The following CUX2 variants were observed in gnomAD, a reference collection of about 807,000 sequenced individuals.
The protein encoded by CUX2 is cut like homeobox 2.
Under a neutral mutation model 144.8 loss-of-function variants are expected in CUX2, and 40 were observed. The observed-to-expected ratio is 0.28, with a 90% CI of 0.21 to 0.36. The LOEUF (loss-of-function observed/expected upper bound fraction) is 0.36, where lower values mean the gene tolerates loss of function less well. Ranked by LOEUF, CUX2 falls within the 10% of genes least tolerant of loss-of-function variation. The probability of loss-of-function intolerance (pLI) is 1.00; values close to 1 mark genes in which losing one functional copy is unlikely to be tolerated. For synonymous variants in CUX2, 827 were observed against 875.6 expected, an observed-to-expected ratio of 0.94 and a Z score of 0.98; for missense variants, 1,615 against 1,994.0, an observed-to-expected ratio of 0.81 and a Z score of 3.62.
chr12:111,293,407 T>C lies in CUX2; in HGVS notation c.437-39T>C. ...AGCGGCTCTGGCTGCCACGTTGCTC[T>C]CTTGGCAATGGGGGTTTTCCCTCTT... On this transcript the variant is annotated intron_variant, in intron 5 of 21. Transcript: ENST00000261726. The surrounding 1 kb of genome is among the most constrained non-coding windows in gnomAD (Gnocchi z 4.5). The C allele has an allele frequency of 6.3e-7, 1 of 1,580,578 alleles. No individual in the cohort carries two copies.
chr12:111,192,121 T>A (rs952419526), intron 1 of CUX2, among the ~76,000 whole-genome samples: 4 of 151,970 alleles, frequency 2.6e-5, no homozygotes, highest in Non-Finnish European at 5.9e-5. Context: ...TATTATTATT[T>A]GTTTATTTAT....
chr12:111,322,697 C>T lies in CUX2; in HGVS notation c.2926+117C>T, dbSNP rs1202915494. ...TATCTCTCCCTCCCTGCTGCCCTGG[C>T]TTTCATCCCAGTCACTGTCATGGCT... On this transcript the variant is annotated intron_variant, in intron 18 of 21. Transcript: ENST00000261726. This position sits in a 1 kb window ranked among gnomAD's most constrained non-coding sequence, Gnocchi z 4.2. 3.0e-6 allele frequency: 4 copies of T among 1,324,678 alleles called. No individual in the cohort carries two copies. The highest frequency in any genetic ancestry group is 2.9e-5 in the African/African-American group (2 of 68,544). The allele number at this position is 1,324,678 out of a possible 1,614,324, so 82.1% of individuals were successfully genotyped here.
At chr12:111,145,940 T>C (rs1876641363) in intron 1 of CUX2, among the ~76,000 whole-genome samples, 1 of 151,792 alleles carries the variant, frequency 6.6e-6, no homozygotes, top group Admixed American at 6.6e-5. Flanking sequence ...CTCCTGACCT[T>C]GTGATCCACC....
chr12:111,203,551 AAAAAAAAAG>A (rs1415001276), intron 1 of CUX2, among the ~76,000 whole-genome samples: 40 of 150,918 alleles, frequency 2.7e-4, no homozygotes, highest in African/African-American at 6.2e-4. Context: ...TCTCAAAAAA[AAAAAAAAAG>A]AAAAAAAAGA....
intron 1 of CUX2, among the ~76,000 whole-genome samples, chr12:111,108,466 G>A (rs1189160335): frequency 6.6e-6 from 1 of 152,180 alleles, no homozygotes; most frequent in Non-Finnish European, 1.5e-5. Context: ...TTGCCAAATG[G>A]TGATTTTCTG....
At chr12:111,089,756 G>C (rs80147930) in intron 1 of CUX2, among the ~76,000 whole-genome samples, 1 of 152,224 alleles carries the variant, frequency 6.6e-6, no homozygotes, top group South Asian at 2.1e-4. Flanking sequence ...AGGTCAGAGA[G>C]TGCAGGTGCT....
In CUX2 at chr12:111,322,635, G is replaced by A. The variant is rs967797422; in HGVS notation, c.2926+55G>A. 9 of 1,579,566 alleles carry A rather than the reference G, an allele frequency of 5.7e-6. No individual in the cohort carries two copies. Among genetic ancestry groups the A allele is most frequent in the Admixed American group, 1.8e-5 (1 of 56,054 alleles). On this transcript the variant is annotated intron_variant, in intron 18 of 21. Coordinates refer to ENST00000261726, the MANE Select transcript of CUX2 (RefSeq NM_015267.4). This position sits in a 1 kb window ranked among gnomAD's most constrained non-coding sequence, Gnocchi z 4.2. ...TGCTGGCAAACTTCCCACCTGCGCAGTGGCATGTCCGCCTGGCTTTACTGC... is the reference window on the plus strand; with the variant it reads ...TGCTGGCAAACTTCCCACCTGCGCAATGGCATGTCCGCCTGGCTTTACTGC...
chr12:111,300,031 C>T (rs1285627377), intron 9 of CUX2, among the ~76,000 whole-genome samples: 3 of 152,232 alleles, frequency 2.0e-5, no homozygotes, highest in East Asian at 1.9e-4. Context: ...GGAACAGAGG[C>T]GTGTGCCACC....
chr12:111,114,288 T>G (rs1219017657), intron 1 of CUX2, among the ~76,000 whole-genome samples: 1 of 152,240 alleles, frequency 6.6e-6, no homozygotes, highest in Non-Finnish European at 1.5e-5. Context: ...TTATGCATTC[T>G]AATAGGGGCA....
chr12:111,082,463 G>T (rs1379433275), intron 1 of CUX2, among the ~76,000 whole-genome samples: 1 of 152,170 alleles, frequency 6.6e-6, no homozygotes, highest in Admixed American at 6.5e-5. Context: ...CCTACGGTGT[G>T]CCAAGGACCG....
intron 1 of CUX2, among the ~76,000 whole-genome samples, chr12:111,193,450 C>T (rs1256145630): frequency 2.0e-5 from 3 of 152,170 alleles, no homozygotes; most frequent in African/African-American, 7.2e-5. Context: ...ATCAATTATC[C>T]TCATGGATAG....
intron 1 of CUX2, among the ~76,000 whole-genome samples, chr12:111,202,003 C>A (rs1462466795): frequency 6.6e-6 from 1 of 152,166 alleles, no homozygotes; most frequent in African/African-American, 2.4e-5. Flanking sequence ...ATGCAGTGGG[C>A]CAAGGCGTTA....
intron 1 of CUX2, among the ~76,000 whole-genome samples, chr12:111,165,392 G>A (rs933151314): frequency 1.3e-5 from 2 of 152,214 alleles, no homozygotes; most frequent in Non-Finnish European, 2.9e-5. Context: ...GTCAAACAGA[G>A]TTAAGCACAG....
intron 1 of CUX2, among the ~76,000 whole-genome samples, chr12:111,092,805 ATTTTTTTTTT>A (rs528129107): frequency 4.7e-5 from 5 of 106,036 alleles, no homozygotes; most frequent in African/African-American, 1.0e-4. Flanking sequence ...GCTCTGGCAG[ATTTTTTTTTT>A]TTTTTTTTTT....
At chr12:111,269,951 C>T (rs894734513) in intron 4 of CUX2, among the ~76,000 whole-genome samples, 94 of 152,264 alleles carry the variant, frequency 6.2e-4, no homozygotes, top group African/African-American at 2.2e-3. Context: ...CTGATGGAGA[C>T]GTACCATACG....
intron 1 of CUX2, among the ~76,000 whole-genome samples, chr12:111,132,092 G>A (rs897325361): frequency 1.3e-5 from 2 of 152,208 alleles, no homozygotes; most frequent in Non-Finnish European, 2.9e-5. Context: ...GGTCATCCAG[G>A]CATTTCCATA....
Position 111,293,607 on chromosome 12 carries a change from G to A in CUX2, c.560+38G>A. 6.5e-7 allele frequency: 1 copy of A among 1,548,672 alleles called. No homozygotes were observed. Among genetic ancestry groups the A allele is most frequent in the Non-Finnish European group, 8.7e-7 (1 of 1,145,154 alleles). On this transcript the variant is annotated intron_variant, in intron 6 of 21. Coordinates refer to ENST00000261726, the MANE Select transcript of CUX2 (RefSeq NM_015267.4). The surrounding 1 kb of genome is among the most constrained non-coding windows in gnomAD (Gnocchi z 4.5). ...AGGTGGGTGGGAGGGAGGAAGGAATGGGCAGGGCTCCTGCTGCCCCACCTG... is the reference window on the plus strand; with the variant it reads ...AGGTGGGTGGGAGGGAGGAAGGAATAGGCAGGGCTCCTGCTGCCCCACCTG...
intron 4 of CUX2, among the ~76,000 whole-genome samples, 172 bp downstream of exon 4, chr12:111,264,011 C>A (rs1403506742): frequency 6.6e-6 from 1 of 152,106 alleles, no homozygotes; most frequent in African/African-American, 2.4e-5. Flanking sequence ...TGACATGTCC[C>A]CCCAGGGCTC....
intron 1 of CUX2, among the ~76,000 whole-genome samples, chr12:111,129,958 A>T (rs1291374945): frequency 9.9e-5 from 15 of 152,176 alleles, no homozygotes; most frequent in African/African-American, 3.1e-4. Context: ...CCTGACCTCT[A>T]TAAGCCCCTA....
Sources: gnomAD v4.1 joint callset for allele counts (sites outside exome capture counted in the v4.1 genomes callset) on GRCh38, gnomAD v4.1.1 for gene constraint, Gnocchi (gnomAD v3.1) non-coding constraint, MANE v1.5 for transcripts, NCBI Gene and HGNC (gene_info 2026-07-23, HGNC 2026-07-21) for gene names.